TTLL4: variants seen among roughly 807,000 people sequenced by gnomAD.
The protein encoded by TTLL4 is tubulin tyrosine ligase like 4.
TTLL4 carries 85 observed loss-of-function variants against 122.7 expected under a neutral mutation model. That is an observed-to-expected ratio of 0.69 (90% CI 0.58 to 0.83). The LOEUF is 0.83. TTLL4 is among the 40% of genes least tolerant of loss of function. TTLL4 has a pLI of 0.00. For missense variants in TTLL4, 1,363 were observed against 1,488.6 expected, an observed-to-expected ratio of 0.92 and a Z score of 1.39; for synonymous variants, 553 against 563.0, an observed-to-expected ratio of 0.98 and a Z score of 0.25.
chr2:218,739,316 A>G (rs975022234), intron 3 of TTLL4, among the ~76,000 whole-genome samples, 153 bp downstream of exon 3: 1 of 152,242 alleles, frequency 6.6e-6, no homozygotes, highest in Non-Finnish European at 1.5e-5. Flanking sequence ...TTGGGAAACT[A>G]TAGCTTGCAG....
chr2:218,732,913 A>G (rs1398051710), intron 2 of TTLL4, among the ~76,000 whole-genome samples: 5 of 152,214 alleles, frequency 3.3e-5, no homozygotes, highest in Non-Finnish European at 5.9e-5. Flanking sequence ...TCTGAACCTC[A>G]AACACTGAAA....
At position 218,754,208 on chromosome 2, in the gene TTLL4, C is replaced by T; in HGVS notation, c.3419C>T (p.Ala1140Val). ...GTTPKSKKTQ[A>V]GLSPYPQKPS... ...ACGCCCAAATCCAAGAAGACTCAAGCTGGCCTTTCCCCTTATCCCCAGAAA... is the reference window on the plus strand; with the variant it reads ...ACGCCCAAATCCAAGAAGACTCAAGTTGGCCTTTCCCCTTATCCCCAGAAA... Residue 1140 changes from alanine to valine, a missense_variant, in exon 20 of 20, where the codon GCT becomes GTT. By Grantham distance (64) the Ala-to-Val change is moderately conservative. Around this residue, in one of 3 missense-constraint regions of TTLL4, gnomAD observed 596 missense variants for 655.8 expected, o/e 0.91. Transcript: ENST00000392102. 2 of 1,614,200 alleles carry T rather than the reference C, an allele frequency of 1.2e-6. No homozygotes were observed. The highest frequency in any genetic ancestry group is 1.7e-6 in the Non-Finnish European group (2 of 1,180,024).
downstream of TTLL4, among the ~76,000 whole-genome samples, chr2:218,758,748 T>C (rs1943193137): frequency 6.6e-6 from 1 of 152,214 alleles, no homozygotes; most frequent in Non-Finnish European, 1.5e-5. Flanking sequence ...GAATGCAAAA[T>C]GATGCACTGG....
Position 218,754,588 on chromosome 2 carries a change from G to A in TTLL4, c.*199G>A. Reference sequence around the variant, plus strand: ...GTAGTGATGGGGAGAAGGTGAGGAAGGGTCACCCTCTGTCACCTGTCTGCC... The same window carrying A: ...GTAGTGATGGGGAGAAGGTGAGGAAAGGTCACCCTCTGTCACCTGTCTGCC... On this transcript the variant is annotated 3_prime_UTR_variant, in exon 20 of 20. Transcript: ENST00000392102. 1 of 731,406 alleles carries A rather than the reference G, an allele frequency of 1.4e-6. No individual in the cohort carries two copies. The highest frequency in any genetic ancestry group is 2.0e-5 in the South Asian group (1 of 51,038). 45.3% of individuals were successfully genotyped at this position (731,406 alleles called of 1,614,324 possible).
At chr2:218,739,223 G>T in intron 3 of TTLL4, 60 bp downstream of exon 3, 7 of 1,527,528 alleles carry the variant, frequency 4.6e-6, no homozygotes, top group Non-Finnish European at 6.1e-6. Flanking sequence ...CATAATTTGG[G>T]GTGGCACCGA....
At chr2:218,718,952 T>C (rs1941950236) in intron 1 of TTLL4, among the ~76,000 whole-genome samples, 2 of 152,168 alleles carry the variant, frequency 1.3e-5, no homozygotes, top group African/African-American at 4.8e-5. Context: ...GCCATGCAAA[T>C]AGAAGGGGAT....
At position 218,747,300 on chromosome 2, in the gene TTLL4, C is replaced by T; in HGVS notation, c.2177C>T (p.Ala726Val). The change falls in exon 10 of 20, where the codon GCT becomes GTT. Residue 726 changes from alanine to valine, a missense_variant. Coordinates refer to ENST00000392102, the MANE Select transcript of TTLL4 (RefSeq NM_014640.5). This position sits in a 1 kb window ranked among gnomAD's most constrained non-coding sequence, Gnocchi z 4.7. ...QKWIVKPPAS[A>V]RGIGIQVIHK... is the part of the protein sequence containing the mutation. Reference sequence around the variant, plus strand: ...CCTTTCTGCTCCTAGCCAGCATCAGCTCGAGGCATTGGCATCCAGGTTATT... The same window carrying T: ...CCTTTCTGCTCCTAGCCAGCATCAGTTCGAGGCATTGGCATCCAGGTTATT... The T allele has an allele frequency of 6.2e-7, 1 of 1,614,208 alleles. No homozygotes were observed. The highest frequency in any genetic ancestry group is 8.5e-7 in the Non-Finnish European group (1 of 1,180,048).
downstream of TTLL4, among the ~76,000 whole-genome samples, chr2:218,759,682 G>A (rs1400880064): frequency 6.6e-6 from 1 of 152,148 alleles, no homozygotes; most frequent in Non-Finnish European, 1.5e-5. Flanking sequence ...AAATGGGTGA[G>A]TAGTATTGTA....
chr2:218,729,716 A>C (rs1942301973), intron 2 of TTLL4, among the ~76,000 whole-genome samples: 1 of 147,832 alleles, frequency 6.8e-6, no homozygotes, highest in African/African-American at 2.5e-5. Context: ...TTATTTGATA[A>C]ATGTTTTAGG....
intron 2 of TTLL4, among the ~76,000 whole-genome samples, chr2:218,731,663 C>T (rs371406404): frequency 1.3e-5 from 2 of 152,108 alleles, no homozygotes; most frequent in Admixed American, 6.5e-5. Context: ...GTGCTTTATG[C>T]GAATTTTTAA....
chr2:218,754,481 C>T lies in TTLL4; in HGVS notation c.*92C>T. 2 of 1,496,848 alleles carry T rather than the reference C, an allele frequency of 1.3e-6. No individual in the cohort carries two copies. Among genetic ancestry groups the T allele is most frequent in the Non-Finnish European group, 1.8e-6 (2 of 1,106,372 alleles). 92.7% of individuals were successfully genotyped at this position (1,496,848 alleles called of 1,614,324 possible). A position where few individuals can be genotyped will look rare whatever the true frequency, so the allele number is the denominator to read the frequency against. ...CTGTTCAGACCAGTCTGACCCCCTA[C>T]CCCTTTCACCCTGTCCCTCCTCAGA... On this transcript the variant is annotated 3_prime_UTR_variant, in exon 20 of 20. Coordinates refer to ENST00000392102, the MANE Select transcript of TTLL4 (RefSeq NM_014640.5).
chr2:218,748,679 T>G, intron 12 of TTLL4, 157 bp from the exon 13 acceptor site: 1 of 468,196 alleles, frequency 2.1e-6, no homozygotes, highest in Non-Finnish European at 3.7e-6. Context: ...AAAAAAAGAA[T>G]TGGTCTATTT....
intron 1 of TTLL4, among the ~76,000 whole-genome samples, chr2:218,716,853 T>A (rs897797453): frequency 2.0e-5 from 3 of 152,194 alleles, no homozygotes; most frequent in African/African-American, 7.2e-5. Flanking sequence ...CACTGTGTGG[T>A]GGAAAAGTAT....
rs1310407772 is a variant in TTLL4, at chr2:218,752,660, T to G, written c.2977-103T>G. 34 of 1,232,064 alleles carry G rather than the reference T, an allele frequency of 2.8e-5. No homozygotes were observed. The Admixed American group carries it at 6.2e-4, about 22-fold the overall frequency. 76.3% of individuals were successfully genotyped at this position (1,232,064 alleles called of 1,614,324 possible). A position where few individuals can be genotyped will look rare whatever the true frequency, so the allele number is the denominator to read the frequency against. On this transcript the variant is annotated intron_variant, in intron 16 of 19. Coordinates refer to ENST00000392102, the MANE Select transcript of TTLL4 (RefSeq NM_014640.5). ...AGTAGTTCCATGAGAGTCCCGGAGC[T>G]GTAGGACCCCAGGGGTGTGCTCCCT...
chr2:218,742,292 C>T (rs1942724414), intron 5 of TTLL4, among the ~76,000 whole-genome samples: 1 of 152,122 alleles, frequency 6.6e-6, no homozygotes, highest in South Asian at 2.1e-4. Flanking sequence ...AGATGAATTC[C>T]AAACCACTTT....
chr2:218,745,273 G>C (rs373087663), intron 6 of TTLL4, 40 bp downstream of exon 6: 178 of 1,611,310 alleles, frequency 1.1e-4, no homozygotes, highest in Non-Finnish European at 1.5e-4. Flanking sequence ...AGAGCCCCCG[G>C]GGAGAAGGTT....
rs751949045 is a variant in TTLL4, at chr2:218,747,270, C to T, written c.2167-20C>T. On this transcript the variant is annotated intron_variant, in intron 9 of 19. Coordinates refer to ENST00000392102, the MANE Select transcript of TTLL4 (RefSeq NM_014640.5). This position sits in a 1 kb window ranked among gnomAD's most constrained non-coding sequence, Gnocchi z 4.7. Reference sequence around the variant, plus strand: ...AGAGTATTGGACCTGGAGCAAATCTCATCTCCTTTCTGCTCCTAGCCAGCA... The same window carrying T: ...AGAGTATTGGACCTGGAGCAAATCTTATCTCCTTTCTGCTCCTAGCCAGCA... The T allele has an allele frequency of 6.2e-7, 1 of 1,614,156 alleles. No homozygotes were observed. Among genetic ancestry groups the T allele is most frequent in the Non-Finnish European group, 8.5e-7 (1 of 1,180,022 alleles).
In TTLL4 at chr2:218,748,120, G is replaced by A. The variant is rs777292788; in HGVS notation, c.2394G>A (p.Met798Ile). 8 of 1,614,092 alleles carry A rather than the reference G, an allele frequency of 5.0e-6. No homozygotes were observed. The East Asian group carries it at 6.7e-5, about 13-fold the overall frequency. ...RFASCKYSPS[M>I]KSLGNKFMHL... Reference sequence around the variant, plus strand: ...TTACTTCCAGGTATTCGCCTTCCATGAAGAGCCTTGGCAATAAGTTCATGC... The same window carrying A: ...TTACTTCCAGGTATTCGCCTTCCATAAAGAGCCTTGGCAATAAGTTCATGC... The change falls in exon 12 of 20, where the codon ATG becomes ATA. Residue 798 changes from methionine to isoleucine, a missense_variant. Around this residue, in one of 3 missense-constraint regions of TTLL4, gnomAD observed 596 missense variants for 655.8 expected, o/e 0.91. Coordinates refer to ENST00000392102, the MANE Select transcript of TTLL4 (RefSeq NM_014640.5).
At chr2:218,742,062 G>A (rs1270318688) in intron 5 of TTLL4, among the ~76,000 whole-genome samples, 1 of 152,142 alleles carries the variant, frequency 6.6e-6, no homozygotes, top group Non-Finnish European at 1.5e-5. Context: ...CTGGGCTCAA[G>A]CAATACTCCT....
Sources: allele counts gnomAD v4.1 joint callset (sites outside exome capture counted in the v4.1 genomes callset), GRCh38; gene constraint gnomAD v4.1.1; regional missense constraint gnomAD v4.1.1; non-coding constraint Gnocchi (gnomAD v3.1); transcripts MANE v1.5; gene names NCBI Gene and HGNC (gene_info 2026-07-23, HGNC 2026-07-21).